The following PKM variants were observed in gnomAD, a reference collection of about 807,000 sequenced individuals.
PKM encodes the protein pyruvate kinase M1/2.
A neutral mutation model predicts 49.8 loss-of-function variants in PKM; 18 were observed. That is an observed-to-expected ratio of 0.36 (90% CI 0.25 to 0.54). The LOEUF is 0.54. Ranked by LOEUF, PKM falls within the 20% of genes least tolerant of loss-of-function variation. The pLI, the probability that PKM is intolerant of heterozygous loss-of-function variation, is 0.89. For missense variants in PKM, 508 were observed against 713.8 expected (o/e 0.71, Z 3.28); for synonymous variants, 239 against 261.8 (o/e 0.91, Z 0.84).
At chr15:72,230,609 G>A (rs917963871) in intron 1 of PKM, among the ~76,000 whole-genome samples, 1 of 152,150 alleles carries the variant, frequency 6.6e-6, no homozygotes, top group Non-Finnish European at 1.5e-5. Context: ...GAATGGACGC[G>A]GGAGGGGAAC....
rs1465622446 is a variant in PKM, at chr15:72,231,138, C to G, written c.-36G>C. 4 of 328,604 alleles carry G rather than the reference C, an allele frequency of 1.2e-5. No homozygotes were observed. Among genetic ancestry groups the G allele is most frequent in the South Asian group, 4.5e-5 (2 of 44,608 alleles). The allele number at this position is 328,604 out of a possible 1,614,324, so 20.4% of individuals were successfully genotyped here. A position where few individuals can be genotyped will look rare whatever the true frequency, so the allele number is the denominator to read the frequency against. ...CACCTCCGGCGCTGACCGACTCGGG[C>G]TACGCTGCAAAGACGAAGAGATCCG... On this transcript the variant is annotated 5_prime_UTR_variant, in exon 1 of 11. Coordinates refer to ENST00000335181, the MANE Select transcript of PKM (RefSeq NM_002654.6).
rs1406017814 is a variant in PKM at position 72,217,470 on chromosome 15, T to C, written c.185A>G (p.Lys62Arg). ...GPASRSVETL[K>R]EMIKSGMNVA... ...ATTCATTCCAGACTTAATCATCTCC[T>C]TCAACGTCTCCACTGATCGGGAAGC... The change falls in exon 3 of 11, where the codon AAG (lysine) becomes AGG (arginine). Residue 62 changes from lysine (K) to arginine (R), a missense_variant. Lys to Arg is a conservative substitution (Grantham distance 26). Coordinates refer to ENST00000335181, the MANE Select transcript of PKM (RefSeq NM_002654.6). 1 of 1,611,024 alleles carries C rather than the reference T, an allele frequency of 6.2e-7. No homozygotes were observed. Among genetic ancestry groups the C allele is most frequent in the Non-Finnish European group, 8.5e-7 (1 of 1,177,288 alleles).
rs2081929815 is a variant in PKM, at chr15:72,200,958, C to T, written c.1308-303G>A. ...ACAGCCCATGGTTGGCAGAACCCCT[C>T]CTACACCCTGAACTCTGACACAGAG... On this transcript the variant is annotated intron_variant, in intron 9 of 10. Coordinates refer to ENST00000335181, the MANE Select transcript of PKM (RefSeq NM_002654.6). The surrounding 1 kb of genome is among the most constrained non-coding windows in gnomAD (Gnocchi z 4.6). The T allele has an allele frequency of 5.8e-6, 2 of 346,974 alleles. No individual in the cohort carries two copies. The highest frequency in any genetic ancestry group is 2.1e-5 in the African/African-American group (1 of 48,650). The allele number at this position is 346,974 out of a possible 1,614,324, so 21.5% of individuals were successfully genotyped here. A position where few individuals can be genotyped will look rare whatever the true frequency, so the allele number is the denominator to read the frequency against.
intron 3 of PKM, among the ~76,000 whole-genome samples, chr15:72,216,903 G>C (rs1410161447): frequency 6.6e-6 from 1 of 152,198 alleles, no homozygotes; most frequent in African/African-American, 2.4e-5. Context: ...CTGAGGAAGT[G>C]GGGTATTACA....
At position 72,200,116 on chromosome 15, in the gene PKM, T is replaced by C. The variant is rs1206000993; in HGVS notation, c.1489+358A>G. Among the ~76,000 whole-genome samples the C allele has an allele frequency of 6.6e-6, 1 of 151,670 alleles. No individual in the cohort carries two copies. Among genetic ancestry groups the C allele is most frequent in the Non-Finnish European group, 1.5e-5 (1 of 67,918 alleles). On this transcript the variant is annotated intron_variant, in intron 10 of 10. Transcript: ENST00000335181. This position sits in a 1 kb window ranked among gnomAD's most constrained non-coding sequence, Gnocchi z 4.6. ...GTATGCCACCCCACAGCACAGGAGC[T>C]GTGGCCAATTTTATTTAAAAAAAAA...
At chr15:72,218,911 C>G (rs757849498) in intron 2 of PKM, 33 bp downstream of exon 2, 2 of 1,612,410 alleles carry the variant, frequency 1.2e-6, no homozygotes, top group Non-Finnish European at 1.7e-6. Context: ...GCCCATGAAG[C>G]CCTTTTTTGG....
chr15:72,208,666 T>A lies in PKM; in HGVS notation c.791A>T (p.Asn264Ile). ...VRKVLGEKGK[N>I]IKIISKIENH... is the part of the protein sequence containing the mutation. ...CTCGATTTTGCTGATAATCTTGATGTTCTTTCCCTTCTCTCCCAGGACCTT... is the reference window on the plus strand; with the variant it reads ...CTCGATTTTGCTGATAATCTTGATGATCTTTCCCTTCTCTCCCAGGACCTT... Residue 264 changes from asparagine to isoleucine, a missense_variant, in exon 6 of 11, where the codon AAC becomes ATC. Physicochemically the swap from Asn to Ile is moderately radical, Grantham distance 149. Coordinates refer to ENST00000335181, the MANE Select transcript of PKM (RefSeq NM_002654.6). 1 of 1,614,144 alleles carries A rather than the reference T, an allele frequency of 6.2e-7. No individual in the cohort carries two copies. The highest frequency in any genetic ancestry group is 8.5e-7 in the Non-Finnish European group (1 of 1,180,026).
intron 1 of PKM, chr15:72,229,789 A>C: frequency 2.4e-6 from 2 of 840,410 alleles, no homozygotes; most frequent in East Asian, 7.6e-5. Context: ...CTTGACCCAC[A>C]CCGTTTGCGT....
intron 3 of PKM, among the ~76,000 whole-genome samples, chr15:72,211,811 GAAA>G (rs575356129): frequency 3.3e-5 from 3 of 91,818 alleles, no homozygotes; most frequent in African/African-American, 3.7e-5. Flanking sequence ...CCTATCTCAA[GAAA>G]AAAAAAAAAA....
chr15:72,209,717 A>C lies in PKM; in HGVS notation c.521T>G (p.Ile174Ser). ...ICKVVEVGSK[I>S]YVDDGLISLQ... is the part of the protein sequence containing the mutation. ...AGAAATAAGCCCATCATCCACGTAG[A>C]TCTTGCTGCCCACTTCCACCACCTT... Residue 174 changes from isoleucine (I) to serine (S), a missense_variant, in exon 5 of 11, where the codon ATC (isoleucine) becomes AGC (serine). Coordinates refer to ENST00000335181, the MANE Select transcript of PKM (RefSeq NM_002654.6). 1 of 1,613,936 alleles carries C rather than the reference A, an allele frequency of 6.2e-7. No individual in the cohort carries two copies. The highest frequency in any genetic ancestry group is 8.5e-7 in the Non-Finnish European group (1 of 1,179,982).
At chr15:72,207,374 G>A in intron 6 of PKM, 97 bp from the exon 7 acceptor site, 2 of 1,085,308 alleles carry the variant, frequency 1.8e-6, no homozygotes, top group Non-Finnish European at 1.4e-6. Flanking sequence ...TAACTTAGAT[G>A]TCCTTGTACC....
intron 1 of PKM, among the ~76,000 whole-genome samples, chr15:72,221,563 C>CA (rs1264716392): frequency 7.1e-5 from 9 of 126,638 alleles, no homozygotes; most frequent in Admixed American, 4.0e-4. Flanking sequence ...GGTAGGATTA[C>CA]AGAAAAAAAA....
At chr15:72,223,540 A>G (rs1264351875) in intron 1 of PKM, among the ~76,000 whole-genome samples, 1 of 152,272 alleles carries the variant, frequency 6.6e-6, no homozygotes, top group East Asian at 1.9e-4. Context: ...TCCGTTAGAA[A>G]GTCTGCATCA....
At chr15:72,221,167 C>T (rs752306184) in intron 1 of PKM, 4 of 1,512,122 alleles carry the variant, frequency 2.6e-6, no homozygotes, top group Middle Eastern at 1.7e-4. Flanking sequence ...TCAGGTCATA[C>T]CTTTGGTTCT....
intron 1 of PKM, among the ~76,000 whole-genome samples, chr15:72,229,922 A>G (rs746846563): frequency 1.6e-4 from 16 of 98,730 alleles, no homozygotes; most frequent in South Asian, 1.1e-3. Flanking sequence ...AAAAAAAAAA[A>G]AAAGAAAGAA....
intron 3 of PKM, among the ~76,000 whole-genome samples, chr15:72,217,104 G>C (rs974128164): frequency 2.0e-5 from 3 of 152,160 alleles, no homozygotes; most frequent in Non-Finnish European, 4.4e-5. Context: ...GACACCTAAG[G>C]CTTAGAGGGT....
intron 3 of PKM, among the ~76,000 whole-genome samples, chr15:72,214,870 T>C (rs758554868): frequency 3.3e-5 from 5 of 152,124 alleles, no homozygotes; most frequent in East Asian, 1.9e-4. Flanking sequence ...AGAATGCATC[T>C]TGCCCATGTG....
chr15:72,203,436 T>A, intron 8 of PKM: 1 of 537,088 alleles, frequency 1.9e-6, no homozygotes, highest in Admixed American at 3.1e-5. Context: ...GATTTTTTCA[T>A]TGGGGGTGGA....
chr15:72,203,622 C>T (rs1051772305), intron 8 of PKM: 5 of 274,412 alleles, frequency 1.8e-5, no homozygotes, highest in Non-Finnish European at 3.6e-5. Flanking sequence ...TGCCCAGCCT[C>T]CATGCATGCA....
Sources: gnomAD v4.1 joint callset for allele counts (sites outside exome capture counted in the v4.1 genomes callset) on GRCh38, gnomAD v4.1.1 for gene constraint, Gnocchi (gnomAD v3.1) non-coding constraint, MANE v1.5 for transcripts, NCBI Gene and HGNC (gene_info 2026-07-23, HGNC 2026-07-21) for gene names.